RERE: variants seen among roughly 807,000 people sequenced by gnomAD.
RERE encodes the protein arginine-glutamic acid dipeptide repeats protein.
In RERE, 40 loss-of-function variants were observed where a neutral mutation model predicts 146.1. The ratio of observed to expected loss-of-function variants is 0.27; its 90% CI spans 0.21 to 0.36. RERE has a LOEUF of 0.36. Among genes scored for constraint, RERE ranks in the 10% least tolerant of loss-of-function variants. The pLI is 1.00. For synonymous variants in RERE, 1,003 were observed against 866.0 expected (o/e 1.16, Z -2.78); for missense variants, 1,933 against 2,138.7 (o/e 0.90, Z 1.90).
intron 4 of RERE, among the ~76,000 whole-genome samples, chr1:8,603,623 T>C (rs760447208): frequency 2.6e-5 from 4 of 152,166 alleles, no homozygotes; most frequent in Non-Finnish European, 5.9e-5. Flanking sequence ...GCACACAAAT[T>C]ATACCTAATT....
rs117584052 is a variant in RERE, at chr1:8,404,536, G to C, written c.1284+18191C>G. ...GCCTCCCAAAGTGCTGAGACTACAG[G>C]TTCGTGAGCCTGGCCAAAATCTTAG... is the stretch of plus-strand genomic sequence containing the variant. On this transcript the variant is annotated intron_variant, in intron 12 of 22. Coordinates refer to ENST00000400908, the MANE Select transcript of RERE (RefSeq NM_001042681.2). 9.0e-4 allele frequency among the ~76,000 whole-genome samples: 137 copies of C among 152,316 alleles called. No homozygotes were observed. In the East Asian group the frequency reaches 0.023, roughly 25 times the overall value.
intron 2 of RERE, among the ~76,000 whole-genome samples, chr1:8,630,711 C>A (rs764982943): frequency 6.6e-6 from 1 of 152,102 alleles, no homozygotes; most frequent in Admixed American, 6.5e-5. Flanking sequence ...CAGAGTGAGA[C>A]CCTGTCACTC....
chr1:8,756,061 A>C (rs1640633839), intron 1 of RERE, among the ~76,000 whole-genome samples: 1 of 152,140 alleles, frequency 6.6e-6, no homozygotes, highest in Non-Finnish European at 1.5e-5. Context: ...TTGAGAGGCC[A>C]ATGCAGAGGG....
At chr1:8,413,643 C>G (rs1309648051) in intron 12 of RERE, among the ~76,000 whole-genome samples, 1 of 152,132 alleles carries the variant, frequency 6.6e-6, no homozygotes, top group Non-Finnish European at 1.5e-5. Flanking sequence ...TGTACCTGCC[C>G]AATCTTAATT....
At chr1:8,683,031 CAAA>C (rs71580039) in intron 1 of RERE, among the ~76,000 whole-genome samples, 2 of 65,726 alleles carry the variant, frequency 3.0e-5, no homozygotes, top group Non-Finnish European at 5.3e-5. Context: ...CTGTCTTTAC[CAAA>C]AAAAAAAAAA....
At chr1:8,723,667 T>A (rs1279216594) in intron 1 of RERE, among the ~76,000 whole-genome samples, 2 of 152,208 alleles carry the variant, frequency 1.3e-5, no homozygotes, top group African/African-American at 2.4e-5. Context: ...AAAAAATATG[T>A]CGCTGTGAAA....
At chr1:8,731,291 C>T (rs989845690) in intron 1 of RERE, among the ~76,000 whole-genome samples, 1 of 152,150 alleles carries the variant, frequency 6.6e-6, no homozygotes, top group Non-Finnish European at 1.5e-5. Flanking sequence ...AAAATCCCCT[C>T]GTATTTTAGG....
At chr1:8,583,172 A>G (rs1646388315) in intron 4 of RERE, among the ~76,000 whole-genome samples, 1 of 152,208 alleles carries the variant, frequency 6.6e-6, no homozygotes, top group African/African-American at 2.4e-5. Flanking sequence ...CTAACATACT[A>G]GAAGTACTAG....
At chr1:8,789,301 AATATAT>A (rs1553149622) in intron 1 of RERE, among the ~76,000 whole-genome samples, 1 of 24,814 alleles carries the variant, frequency 4.0e-5, no homozygotes, top group African/African-American at 2.3e-4. Flanking sequence ...AAAAAAAAAA[AATATAT>A]ATATATATAT....
chr1:8,367,257 G>T (rs1641846845), intron 12 of RERE, among the ~76,000 whole-genome samples: 1 of 152,208 alleles, frequency 6.6e-6, no homozygotes, highest in Admixed American at 6.5e-5. Context: ...ACCCCCAGAG[G>T]AAATGGCCTC....
intron 1 of RERE, among the ~76,000 whole-genome samples, chr1:8,774,766 A>C (rs1178268989): frequency 6.6e-6 from 1 of 152,086 alleles, no homozygotes. Context: ...TGTTTATCTA[A>C]TCTTCTCAAG....
chr1:8,369,914 C>T (rs1393049437), intron 12 of RERE, among the ~76,000 whole-genome samples: 3 of 152,060 alleles, frequency 2.0e-5, no homozygotes, highest in Admixed American at 6.5e-5. Flanking sequence ...CTCGGCCTCC[C>T]GAGTAGCTGG....
chr1:8,631,464 T>C (rs1647034424), intron 2 of RERE, among the ~76,000 whole-genome samples: 1 of 152,200 alleles, frequency 6.6e-6, no homozygotes, highest in African/African-American at 2.4e-5. Flanking sequence ...GCATGAAGCA[T>C]GACCCCCGCT....
intron 4 of RERE, among the ~76,000 whole-genome samples, chr1:8,608,521 C>T (rs191582712): frequency 6.6e-6 from 1 of 151,986 alleles, no homozygotes; most frequent in Admixed American, 6.6e-5. Context: ...AACAAAAAAA[C>T]CCCAAAACAT....
chr1:8,706,369 G>A (rs78452988), intron 1 of RERE, among the ~76,000 whole-genome samples: 6,566 of 152,060 alleles, frequency 0.043, 474 homozygotes, highest in African/African-American at 0.15. Flanking sequence ...TTGTGCCTGG[G>A]GTTACTCAAA....
chr1:8,373,053 T>G (rs1642101751), intron 12 of RERE, among the ~76,000 whole-genome samples: 1 of 152,222 alleles, frequency 6.6e-6, no homozygotes, highest in Admixed American at 6.5e-5. Context: ...CACTGTCAGC[T>G]GAGCAGACTG....
At position 8,595,701 on chromosome 1, in the gene RERE, T is replaced by C. The variant is rs192952953; in HGVS notation, c.522+18860A>G. The stretch of plus-strand genomic sequence containing the variant: ...AATCCTTAAAGATCATTAGTAAAAA[T>C]GAGTTCTTACAATACCTATCCACTA... On this transcript the variant is annotated intron_variant, in intron 4 of 22. Transcript: ENST00000400908. Among the ~76,000 whole-genome samples, 6 of 152,280 alleles carry C rather than the reference T, an allele frequency of 3.9e-5. No individual in the cohort carries two copies. In the East Asian group the frequency reaches 5.8e-4, roughly 15 times the overall value.
chr1:8,758,295 G>A (rs187073476), intron 1 of RERE, among the ~76,000 whole-genome samples: 6 of 151,912 alleles, frequency 3.9e-5, no homozygotes, highest in African/African-American at 1.4e-4. Context: ...TGTTGGCCAG[G>A]CTGGTCTCGA....
chr1:8,598,264 G>A (rs1480379210), intron 4 of RERE, among the ~76,000 whole-genome samples: 1 of 152,098 alleles, frequency 6.6e-6, no homozygotes, highest in African/African-American at 2.4e-5. Flanking sequence ...ACGAACATAC[G>A]AGCTGTGAAT....
Sources: allele counts gnomAD v4.1 joint callset (sites outside exome capture counted in the v4.1 genomes callset), GRCh38; gene constraint gnomAD v4.1.1; transcripts MANE v1.5; gene names NCBI Gene and HGNC (gene_info 2026-07-23, HGNC 2026-07-21).